The following RIGI variants were observed in gnomAD, a reference collection of about 807,000 sequenced individuals.
RIGI encodes the protein antiviral innate immune response receptor RIG-I.
At chr9:32,477,116 A>G in the RIGI span, 3 of 1,613,156 alleles carry the variant, frequency 1.9e-6, no homozygotes, top group South Asian at 3.3e-5. Context: ...AACACTTTCT[A>G]GTTCCTGCAG....
chr9:32,497,486 G>A, the RIGI span, among the ~76,000 whole-genome samples: 1 of 152,116 alleles, frequency 6.6e-6, no homozygotes, highest in African/African-American at 2.4e-5. Flanking sequence ...AGTGGCTCAC[G>A]CCTGTAATCC....
the RIGI span, chr9:32,481,245 G>T: frequency 7.7e-7 from 1 of 1,291,276 alleles, no homozygotes; most frequent in Non-Finnish European, 1.1e-6. Context: ...GAGCTCTTGA[G>T]GACAGGATGA....
chr9:32,519,923 T>C, the RIGI span, among the ~76,000 whole-genome samples: 2 of 152,206 alleles, frequency 1.3e-5, no homozygotes, highest in Non-Finnish European at 2.9e-5. Context: ...TTGAAGATTC[T>C]AGTGGTGTAA....
the RIGI span, among the ~76,000 whole-genome samples, chr9:32,478,634 A>C: frequency 2.0e-5 from 3 of 152,192 alleles, no homozygotes; most frequent in Non-Finnish European, 4.4e-5. Context: ...ATCTCGGCTC[A>C]CTGCAACGTC....
chr9:32,525,573 C>T, the RIGI span, among the ~76,000 whole-genome samples: 1 of 152,232 alleles, frequency 6.6e-6, no homozygotes, highest in East Asian at 1.9e-4. Context: ...TCCTCTCCAG[C>T]TTCCACTTCT....
chr9:32,508,024 T>G, the RIGI span, among the ~76,000 whole-genome samples: 1 of 152,066 alleles, frequency 6.6e-6, no homozygotes, highest in Non-Finnish European at 1.5e-5. Context: ...GTTTCTTTTC[T>G]CCTCTCAAGA....
chr9:32,493,851 T>C, the RIGI span: 1 of 1,610,348 alleles, frequency 6.2e-7, no homozygotes, highest in Non-Finnish European at 8.5e-7. Context: ...TAAATTCTGG[T>C]TGTAAACGTT....
the RIGI span, among the ~76,000 whole-genome samples, chr9:32,484,382 A>C: frequency 6.6e-6 from 1 of 152,158 alleles, no homozygotes. Context: ...GAGACACTCC[A>C]TGAGGTGTCT....
At chr9:32,477,136 A>G in the RIGI span, 3 of 1,612,194 alleles carry the variant, frequency 1.9e-6, no homozygotes, top group African/African-American at 2.7e-5. Context: ...GCTTTTCTGC[A>G]AATGGGAAAC....
chr9:32,516,091 T>A, the RIGI span, among the ~76,000 whole-genome samples: 5 of 152,168 alleles, frequency 3.3e-5, no homozygotes, highest in Non-Finnish European at 7.4e-5. Flanking sequence ...TTATCTGAGA[T>A]CCTTTCTCAG....
At chr9:32,522,197 T>C in the RIGI span, among the ~76,000 whole-genome samples, 4 of 152,336 alleles carry the variant, frequency 2.6e-5, no homozygotes, top group African/African-American at 9.6e-5. Context: ...ATGGTTTTGT[T>C]TGAAAAAGTC....
At chr9:32,505,694 C>T in the RIGI span, among the ~76,000 whole-genome samples, 1 of 152,114 alleles carries the variant, frequency 6.6e-6, no homozygotes, top group South Asian at 2.1e-4. Context: ...TGCTCTTTTC[C>T]ACTCAGTGGA....
chr9:32,487,750 G>C, the RIGI span: 1 of 1,297,262 alleles, frequency 7.7e-7, no homozygotes, highest in Non-Finnish European at 1.1e-6. Flanking sequence ...CTAACACACA[G>C]TGTATGGCAC....
At chr9:32,499,377 A>T in the RIGI span, among the ~76,000 whole-genome samples, 19 of 146,752 alleles carry the variant, frequency 1.3e-4, no homozygotes, top group Admixed American at 1.2e-3. Flanking sequence ...GATGTAAGGA[A>T]TACAAATGTA....
the RIGI span, among the ~76,000 whole-genome samples, chr9:32,494,856 CT>C: frequency 1.0e-4 from 15 of 148,010 alleles, no homozygotes; most frequent in South Asian, 4.3e-4. Context: ...CCAGGATTTC[CT>C]TTTTTTTTTA....
At chr9:32,485,531 CTTTTTTTTTTT>C in the RIGI span, 50 of 323,512 alleles carry the variant, frequency 1.5e-4, no homozygotes, top group African/African-American at 1.2e-3. Flanking sequence ...TAACTAGCTT[CTTTTTTTTTTT>C]TTTTTTTTTT....
At chr9:32,525,275 T>C in the RIGI span, among the ~76,000 whole-genome samples, 19 of 152,276 alleles carry the variant, frequency 1.2e-4, no homozygotes, top group East Asian at 3.7e-3. Flanking sequence ...CGCCCCTCTT[T>C]GTTCAGTCCC....
the RIGI span, among the ~76,000 whole-genome samples, chr9:32,460,618 T>C: frequency 2.0e-5 from 3 of 151,922 alleles, no homozygotes; most frequent in Non-Finnish European, 4.4e-5. Flanking sequence ...AACAATGAAA[T>C]GGAAGACATA....
the RIGI span, among the ~76,000 whole-genome samples, chr9:32,474,861 T>C: frequency 6.6e-6 from 1 of 152,346 alleles, no homozygotes; most frequent in East Asian, 1.9e-4. Context: ...GGAAGCCATA[T>C]ATAAATAAAG....
Sources: gnomAD v4.1 joint callset for allele counts (sites outside exome capture counted in the v4.1 genomes callset) on GRCh38, gnomAD v4.1.1 for gene constraint, MANE v1.5 for transcripts, NCBI Gene and HGNC (gene_info 2026-07-23, HGNC 2026-07-21) for gene names.